KIAA1217: variants seen among roughly 807,000 people sequenced by gnomAD.
KIAA1217 encodes KIAA1217, also known as sickle tail protein homolog.
In KIAA1217, 88 loss-of-function variants were observed where a neutral mutation model predicts 163.9. That is an observed-to-expected ratio of 0.54 (90% CI 0.45 to 0.64). The LOEUF is 0.64. Ranked by LOEUF, KIAA1217 falls within the 30% of genes least tolerant of loss-of-function variation. The pLI is 0.00. For missense variants in KIAA1217, 2,372 were observed against 2,475.0 expected (o/e 0.96, Z 0.88); for synonymous variants, 903 against 923.1 (o/e 0.98, Z 0.39).
chr10:24,483,433 C>T (rs895789393), intron 6 of KIAA1217, among the ~76,000 whole-genome samples: 10 of 152,204 alleles, frequency 6.6e-5, no homozygotes, highest in African/African-American at 2.2e-4. Context: ...TCATGTCGAG[C>T]CTCAGCTCAG....
intron 1 of KIAA1217, among the ~76,000 whole-genome samples, chr10:23,702,226 G>A (rs1467560774): frequency 6.6e-6 from 1 of 151,820 alleles, no homozygotes; most frequent in Non-Finnish European, 1.5e-5. Flanking sequence ...AGGGAAGAGG[G>A]AGAGAAGAGA....
In KIAA1217 at chr10:24,473,277, G is replaced by T. The variant is rs190815997; in HGVS notation, c.896G>T (p.Arg299Leu). 1 of 1,521,680 alleles carries T rather than the reference G, an allele frequency of 6.6e-7. No individual in the cohort carries two copies. Among genetic ancestry groups the T allele is most frequent in the South Asian group, 1.3e-5 (1 of 75,400 alleles). 94.3% of individuals were successfully genotyped at this position (1,521,680 alleles called of 1,614,324 possible). ...AGAGGAGATGGCCCTGGGGCCCCTC[G>T]CCCCGGATCTACTGCTCATCCACCC... is the stretch of plus-strand genomic sequence containing the variant. Reference protein sequence around the residue: ...YARGDGPGAPRPGSTAHPPHA... With the variant: ...YARGDGPGAPLPGSTAHPPHA... The change falls in exon 6 of 21, where the codon CGC (arginine) becomes CTC (leucine). Residue 299 changes from arginine to leucine, a missense_variant. Transcript: ENST00000376454.
intron 3 of KIAA1217, among the ~76,000 whole-genome samples, chr10:24,402,673 G>A (rs1010291002): frequency 6.6e-6 from 1 of 152,086 alleles, no homozygotes; most frequent in Non-Finnish European, 1.5e-5. Context: ...CAGACACATA[G>A]GTCAATGAAA....
upstream of KIAA1217, among the ~76,000 whole-genome samples, chr10:24,207,669 C>T (rs1033548067): frequency 8.5e-5 from 13 of 152,184 alleles, no homozygotes; most frequent in East Asian, 7.7e-4. Context: ...AGATTCACCG[C>T]GTCTTCTTGG....
intron 1 of KIAA1217, among the ~76,000 whole-genome samples, chr10:23,768,942 G>A (rs1376501821): frequency 6.6e-6 from 1 of 152,186 alleles, no homozygotes; most frequent in East Asian, 1.9e-4. Flanking sequence ...TGCTGTCCAT[G>A]CTGCTAAGGA....
At chr10:24,052,088 C>A (rs1346014754) in intron 2 of KIAA1217, among the ~76,000 whole-genome samples, 1 of 152,130 alleles carries the variant, frequency 6.6e-6, no homozygotes, top group African/African-American at 2.4e-5. Context: ...GCTCTGCTAC[C>A]TGCACTCCTA....
intron 2 of KIAA1217, among the ~76,000 whole-genome samples, chr10:24,173,979 A>C (rs868046257): frequency 6.6e-6 from 1 of 152,202 alleles, no homozygotes; most frequent in Non-Finnish European, 1.5e-5. Context: ...ACCCTCAGGA[A>C]CATGTGCCTT....
intron 2 of KIAA1217, among the ~76,000 whole-genome samples, chr10:24,311,943 T>C (rs1330892217): frequency 6.6e-6 from 1 of 152,170 alleles, no homozygotes; most frequent in Non-Finnish European, 1.5e-5. Flanking sequence ...ATGAACTCTG[T>C]GGCCCATTGA....
At position 24,544,336 on chromosome 10, in the gene KIAA1217, T is replaced by C. The variant is rs2075448955; in HGVS notation, c.5066T>C (p.Val1689Ala). Residue 1689 changes from valine to alanine, a missense_variant, in exon 19 of 21, where the codon GTT (valine) becomes GCT (alanine). Val to Ala is a moderately conservative substitution (Grantham distance 64). Around this residue, in one of 3 missense-constraint regions of KIAA1217, gnomAD observed 690 missense variants for 677.5 expected, o/e 1.02. Transcript: ENST00000376454. ...AGTGAAATGAGTCCCAAAGCCCTAG[T>C]TGATACCTCATGTTCTTCCAACAGA... is the stretch of plus-strand genomic sequence containing the variant. ...TISEMSPKALVDTSCSSNRDS... is the reference protein window; with the variant it reads ...TISEMSPKALADTSCSSNRDS... 3.1e-6 allele frequency: 5 copies of C among 1,614,058 alleles called. No individual in the cohort carries two copies. Among genetic ancestry groups the C allele is most frequent in the East Asian group, 4.5e-5 (2 of 44,886 alleles).
At chr10:24,494,641 A>G in intron 7 of KIAA1217, 37 bp downstream of exon 7, 1 of 1,322,726 alleles carries the variant, frequency 7.6e-7, no homozygotes, top group Non-Finnish European at 1.1e-6. Context: ...AAATAATTCA[A>G]TCTGTTTCTC....
In KIAA1217 at chr10:24,144,719, T is replaced by C. The variant is rs949105597; in HGVS notation, c.-170-74907T>C. 2.6e-5 allele frequency among the ~76,000 whole-genome samples: 4 copies of C among 152,326 alleles called. No homozygotes were observed. The East Asian group carries it at 5.8e-4, about 22-fold the overall frequency. On this transcript the variant is annotated intron_variant, in intron 2 of 18. Coordinates refer to the KIAA1217 transcript ENST00000376462. ...TGAAATGGCAGGATCTGGAGTACAA[T>C]GGCAGATCAAATATCTTTAGGACAA... is the stretch of plus-strand genomic sequence containing the variant.
At chr10:24,089,693 C>T (rs1327098147) in intron 2 of KIAA1217, among the ~76,000 whole-genome samples, 1 of 151,836 alleles carries the variant, frequency 6.6e-6, no homozygotes, top group African/African-American at 2.4e-5. Flanking sequence ...GTTTTGGTTA[C>T]TGTAGCCTTG....
At chr10:24,208,374 G>GGGGT (rs1554907565), upstream of KIAA1217, among the ~76,000 whole-genome samples, 8 of 148,846 alleles carry the variant, frequency 5.4e-5, no homozygotes, top group East Asian at 2.0e-4. Context: ...TTAAGGGCTG[G>GGGGT]GTGTGTGTGT....
chr10:23,796,344 T>C (rs1398387261), intron 1 of KIAA1217, among the ~76,000 whole-genome samples: 3 of 149,994 alleles, frequency 2.0e-5, no homozygotes, highest in Admixed American at 6.6e-5. Flanking sequence ...AGACTGCTTA[T>C]TTATTTATTT....
intron 2 of KIAA1217, among the ~76,000 whole-genome samples, chr10:24,138,095 G>A (rs1203632816): frequency 6.6e-6 from 1 of 152,162 alleles, no homozygotes; most frequent in Admixed American, 6.5e-5. Flanking sequence ...TTAGTATTAT[G>A]CGTAGTTTTC....
intron 1 of KIAA1217, among the ~76,000 whole-genome samples, chr10:23,790,149 A>G (rs201431276): frequency 7.5e-5 from 6 of 79,994 alleles, no homozygotes; most frequent in East Asian, 7.2e-4. Context: ...ACACATATAC[A>G]CATATGCATA....
chr10:24,465,915 CCTCT>C (rs2062897085), intron 5 of KIAA1217, among the ~76,000 whole-genome samples: 1 of 152,094 alleles, frequency 6.6e-6, no homozygotes, highest in Non-Finnish European at 1.5e-5. Context: ...CCTGGTTTGC[CCTCT>C]CTATCTTTCC....
chr10:24,014,814 G>A (rs1847400588), intron 2 of KIAA1217, among the ~76,000 whole-genome samples: 1 of 152,004 alleles, frequency 6.6e-6, no homozygotes, highest in Non-Finnish European at 1.5e-5. Context: ...TCATTTTGAG[G>A]GCTGAGAGTT....
intron 2 of KIAA1217, among the ~76,000 whole-genome samples, chr10:24,312,950 T>A (rs932328256): frequency 1.3e-5 from 2 of 152,120 alleles, no homozygotes; most frequent in African/African-American, 4.8e-5. Context: ...TAAGAGGTAT[T>A]GGAAGGCCTT....
Sources: allele counts gnomAD v4.1 joint callset (sites outside exome capture counted in the v4.1 genomes callset), GRCh38; gene constraint gnomAD v4.1.1; regional missense constraint gnomAD v4.1.1; transcripts MANE v1.5; gene names NCBI Gene and HGNC (gene_info 2026-07-23, HGNC 2026-07-21).